ACLY: variants seen among roughly 807,000 people sequenced by gnomAD.
The protein encoded by ACLY is ATP-citrate synthase.
Under a neutral mutation model 133.0 loss-of-function variants are expected in ACLY, and 41 were observed. The observed-to-expected ratio is 0.31, with a 90% CI of 0.24 to 0.40. ACLY has a LOEUF of 0.40. Ranked by LOEUF, ACLY falls within the 10% of genes least tolerant of loss-of-function variation. The pLI is 1.00. For missense variants in ACLY, 1,046 were observed against 1,453.8 expected (o/e 0.72, Z 4.56); for synonymous variants, 495 against 549.3 (o/e 0.90, Z 1.38).
At chr17:41,875,012 G>GA (rs1326439168) in intron 22 of ACLY, among the ~76,000 whole-genome samples, 1 of 151,682 alleles carries the variant, frequency 6.6e-6, no homozygotes, top group Non-Finnish European at 1.5e-5. Flanking sequence ...AATCCAAAGG[G>GA]AAAATCTTAC....
At chr17:41,893,326 T>C (rs184004130) in intron 14 of ACLY, 152 bp from the exon 15 acceptor site, 12 of 959,766 alleles carry the variant, frequency 1.3e-5, no homozygotes, top group Middle Eastern at 3.5e-4. Flanking sequence ...GACAGAATTC[T>C]GAGAACTTGG....
At chr17:41,908,641 G>A (rs1410378357) in intron 6 of ACLY, among the ~76,000 whole-genome samples, 1 of 152,218 alleles carries the variant, frequency 6.6e-6, no homozygotes, top group East Asian at 1.9e-4. Context: ...GCGGGCACCT[G>A]TAATCCCAGC....
chr17:41,912,932 G>A (rs2049947129), intron 2 of ACLY, among the ~76,000 whole-genome samples: 1 of 152,202 alleles, frequency 6.6e-6, no homozygotes. Flanking sequence ...CCTTGAGGCA[G>A]CAAGGAACCT....
intron 10 of ACLY, among the ~76,000 whole-genome samples, chr17:41,902,863 G>A (rs2049579407): frequency 6.6e-6 from 1 of 152,154 alleles, no homozygotes; most frequent in African/African-American, 2.4e-5. Context: ...GGGTCTCATT[G>A]TCGCCCAGGC....
At chr17:41,917,459 T>A (rs1437028748) in intron 1 of ACLY, among the ~76,000 whole-genome samples, 2 of 151,966 alleles carry the variant, frequency 1.3e-5, no homozygotes, top group African/African-American at 4.8e-5. Flanking sequence ...AGGATTGAGT[T>A]CACTTTTAGC....
chr17:41,929,777 A>G (rs2050293455), intron 1 of ACLY, among the ~76,000 whole-genome samples: 1 of 152,224 alleles, frequency 6.6e-6, no homozygotes, highest in Non-Finnish European at 1.5e-5. Context: ...AACATCCTTA[A>G]AAACTTTAGT....
intron 20 of ACLY, among the ~76,000 whole-genome samples, chr17:41,880,400 C>T (rs1163747503): frequency 1.3e-5 from 2 of 152,162 alleles, no homozygotes; most frequent in Non-Finnish European, 2.9e-5. Flanking sequence ...CACCTTAAAG[C>T]GTGAGTTCCC....
At chr17:41,901,560 G>C in intron 11 of ACLY, 136 bp downstream of exon 11, 1 of 735,226 alleles carries the variant, frequency 1.4e-6, no homozygotes, top group South Asian at 1.8e-5. Context: ...GACAGGGAAT[G>C]GAAACCCAAA....
At chr17:41,889,524 C>CATAAAA (rs2049145812) in intron 16 of ACLY, among the ~76,000 whole-genome samples, 1 of 31,600 alleles carries the variant, frequency 3.2e-5, no homozygotes. Context: ...CTCCATTTCA[C>CATAAAA]AAAAAAAAAA....
Position 41,892,908 on chromosome 17 carries a change from G to A in ACLY, c.1601+125C>T. 4.0e-6 allele frequency: 5 copies of A among 1,237,932 alleles called. No homozygotes were observed. In the South Asian group the frequency reaches 5.9e-5, roughly 15 times the overall value. The allele number at this position is 1,237,932 out of a possible 1,614,324, so 76.7% of individuals were successfully genotyped here. On this transcript the variant is annotated intron_variant, in intron 15 of 28. Coordinates refer to ENST00000352035, the MANE Select transcript of ACLY (RefSeq NM_001096.3). Reference sequence around the variant, plus strand: ...GCCCAGGGCTGGTCTCAAACTCCTGGGCTCAAGCAGTTCTCCCACCTCGAC... The same window carrying A: ...GCCCAGGGCTGGTCTCAAACTCCTGAGCTCAAGCAGTTCTCCCACCTCGAC...
intron 22 of ACLY, among the ~76,000 whole-genome samples, chr17:41,876,117 G>T (rs1264617515): frequency 6.6e-6 from 1 of 151,410 alleles, no homozygotes; most frequent in Non-Finnish European, 1.5e-5. Flanking sequence ...CGTCTGAGAA[G>T]TGAGGAGCCC....
chr17:41,873,732 C>A, intron 23 of ACLY, 79 bp downstream of exon 23: 1 of 1,452,536 alleles, frequency 6.9e-7, no homozygotes, highest in Non-Finnish European at 9.1e-7. Flanking sequence ...CCAGGCCTGT[C>A]CACTCCCACC....
In ACLY at chr17:41,872,194, G is replaced by C. The variant is rs1351011041; in HGVS notation, c.2643-12C>G. 3.1e-6 allele frequency: 5 copies of C among 1,611,312 alleles called. No individual in the cohort carries two copies. In the Admixed American group the frequency reaches 5.0e-5, roughly 16 times the overall value. ...AGTACTTAGGCAACCTGGAGTGGGG[G>C]GAACAAAGGCCAGGAGATGGTCGAC... On this transcript the variant is annotated splice_polypyrimidine_tract_variant and intron_variant, in intron 23 of 28. Transcript: ENST00000352035.
chr17:41,898,867 TA>T, intron 11 of ACLY, 82 bp from the exon 12 acceptor site: 1 of 1,399,270 alleles, frequency 7.1e-7, no homozygotes, highest in Non-Finnish European at 9.7e-7. Flanking sequence ...AAGGGCCTTT[TA>T]CAGCCATGAT....
upstream of ACLY, among the ~76,000 whole-genome samples, chr17:41,920,226 G>T (rs2050160604): frequency 6.6e-6 from 1 of 152,190 alleles, no homozygotes; most frequent in East Asian, 1.9e-4. Context: ...AGTGTTCCCT[G>T]ATGATGTCAC....
At position 41,867,297 on chromosome 17, in the gene ACLY, A is replaced by C. The variant is rs1166167965; in HGVS notation, c.*513T>G. ...AACAAGCCCTTAACACGTAACATACAAAAAGATCTTTAAAAATCAGATTAA... is the reference window on the plus strand; with the variant it reads ...AACAAGCCCTTAACACGTAACATACCAAAAGATCTTTAAAAATCAGATTAA... On this transcript the variant is annotated 3_prime_UTR_variant, in exon 29 of 29. Coordinates refer to ENST00000352035, the MANE Select transcript of ACLY (RefSeq NM_001096.3). 3 of 152,614 alleles carry C rather than the reference A, an allele frequency of 2.0e-5. No homozygotes were observed. The highest frequency in any genetic ancestry group is 7.2e-5 in the African/African-American group (3 of 41,452). The allele number at this position is 152,614 out of a possible 1,614,324, so 9.5% of individuals were successfully genotyped here.
chr17:41,897,059 G>C (rs1275608425), intron 13 of ACLY, among the ~76,000 whole-genome samples: 1 of 152,194 alleles, frequency 6.6e-6, no homozygotes, highest in Admixed American at 6.5e-5. Flanking sequence ...CCAGCATGGG[G>C]TTGACCCGTG....
At chr17:41,888,800 A>G (rs1375981956) in intron 16 of ACLY, among the ~76,000 whole-genome samples, 2 of 152,082 alleles carry the variant, frequency 1.3e-5, no homozygotes, top group Non-Finnish European at 2.9e-5. Flanking sequence ...GCTACAGAGC[A>G]GTATGTGTGT....
intron 14 of ACLY, among the ~76,000 whole-genome samples, chr17:41,894,648 C>A (rs1429440787): frequency 9.9e-5 from 15 of 150,786 alleles, no homozygotes; most frequent in Non-Finnish European, 1.0e-4. Context: ...CTACTATGTA[C>A]CCACAAAAAT....
Sources: gnomAD v4.1 joint callset for allele counts (sites outside exome capture counted in the v4.1 genomes callset) on GRCh38, gnomAD v4.1.1 for gene constraint, MANE v1.5 for transcripts, NCBI Gene and HGNC (gene_info 2026-07-23, HGNC 2026-07-21) for gene names.